Variants in RALYL observed in about 807,000 individuals in gnomAD.
RALYL encodes the protein RNA-binding Raly-like protein.
RALYL carries 29 observed loss-of-function variants against 35.1 expected under a neutral mutation model. That is an observed-to-expected ratio of 0.83 (90% confidence interval 0.61 to 1.13). The LOEUF is 1.13. Ranked by LOEUF, RALYL falls within the 50% of genes most tolerant of loss-of-function variation. RALYL has a pLI of 0.00. For synonymous variants in RALYL, 120 were observed against 127.6 expected (o/e 0.94, Z 0.40); for missense variants, 359 against 360.4 (o/e 1.00, Z 0.03).
chr8:84,212,270 C>T (rs1353360870), intron 1 of RALYL, among the ~76,000 whole-genome samples: 1 of 152,044 alleles, frequency 6.6e-6, no homozygotes, highest in Non-Finnish European at 1.5e-5. Context: ...ATTTATTTTA[C>T]ACTGTATATT....
intron 1 of RALYL, among the ~76,000 whole-genome samples, chr8:84,382,073 G>GT (rs1297606772): frequency 6.6e-6 from 1 of 151,010 alleles, no homozygotes; most frequent in Non-Finnish European, 1.5e-5. Flanking sequence ...AATTTATTTG[G>GT]TTTTCTATTG....
chr8:84,787,792 A>C lies in RALYL; in HGVS notation c.332+13138A>C, dbSNP rs1050752757. On this transcript the variant is annotated intron_variant, in intron 3 of 8. Transcript: ENST00000521268. ...GACCAGTGATGGTGAGCTTTGTTTC[A>C]TATGTCTGTTGGCCACATAAATGTC... Among the ~76,000 whole-genome samples the C allele has an allele frequency of 5.9e-5, 9 of 152,210 alleles. No individual in the cohort carries two copies. In the East Asian group the frequency reaches 1.7e-3, roughly 29 times the overall value.
chr8:84,763,218 T>C (rs1405527251), intron 2 of RALYL, among the ~76,000 whole-genome samples: 1 of 151,872 alleles, frequency 6.6e-6, no homozygotes, highest in African/African-American at 2.4e-5. Context: ...AAGAGAGAAA[T>C]GAGAAAAGTG....
chr8:84,663,643 C>T (rs965972319), intron 2 of RALYL, among the ~76,000 whole-genome samples: 2 of 151,986 alleles, frequency 1.3e-5, no homozygotes, highest in Non-Finnish European at 2.9e-5. Context: ...TGTTCATGTC[C>T]TTTGCCCACT....
intron 8 of RALYL, among the ~76,000 whole-genome samples, chr8:84,915,301 T>G (rs1415949520): frequency 6.6e-6 from 1 of 152,000 alleles, no homozygotes; most frequent in Non-Finnish European, 1.5e-5. Context: ...TCTTTAATGT[T>G]GTTTCTAAAA....
intron 1 of RALYL, among the ~76,000 whole-genome samples, chr8:84,321,082 C>T (rs776197275): frequency 2.6e-5 from 4 of 151,560 alleles, no homozygotes; most frequent in South Asian, 4.1e-4. Flanking sequence ...TTCTTAGTAT[C>T]GTAATAGAAA....
chr8:84,504,136 T>C (rs931277136), intron 1 of RALYL, among the ~76,000 whole-genome samples: 2 of 151,870 alleles, frequency 1.3e-5, no homozygotes, highest in African/African-American at 4.8e-5. Flanking sequence ...TTAAAATTGA[T>C]AGGAAAAATA....
At chr8:84,336,876 T>C (rs1847900573) in intron 1 of RALYL, among the ~76,000 whole-genome samples, 1 of 151,830 alleles carries the variant, frequency 6.6e-6, no homozygotes, top group South Asian at 2.1e-4. Flanking sequence ...TTGCTGCACA[T>C]TTAGTTGAGC....
intron 1 of RALYL, among the ~76,000 whole-genome samples, chr8:84,432,940 C>T (rs949009672): frequency 1.3e-5 from 2 of 152,066 alleles, no homozygotes; most frequent in African/African-American, 4.8e-5. Flanking sequence ...TTTTAAGCCA[C>T]CCAGTTAGTG....
chr8:84,854,346 A>AAAAAAG (rs990179444), intron 5 of RALYL, among the ~76,000 whole-genome samples: 1 of 139,734 alleles, frequency 7.2e-6, no homozygotes, highest in Non-Finnish European at 1.6e-5. Flanking sequence ...CTCCGTCTAA[A>AAAAAAG]AAAAAGAAAA....
intron 1 of RALYL, among the ~76,000 whole-genome samples, chr8:84,241,311 T>C (rs543741217): frequency 1.3e-5 from 2 of 152,290 alleles, no homozygotes; most frequent in African/African-American, 4.8e-5. Context: ...TTATCCTGCT[T>C]GTTTCTATTG....
intron 8 of RALYL, among the ~76,000 whole-genome samples, chr8:84,918,820 T>C (rs1261943121): frequency 6.6e-6 from 1 of 152,090 alleles, no homozygotes; most frequent in East Asian, 1.9e-4. Flanking sequence ...AATGAGTCTT[T>C]TGTTTTATTC....
chr8:84,252,163 A>AC (rs1169935830), intron 1 of RALYL, among the ~76,000 whole-genome samples: 1 of 151,966 alleles, frequency 6.6e-6, no homozygotes, highest in African/African-American at 2.4e-5. Context: ...TTTGTGGTGC[A>AC]CCCTATTTGT....
intron 1 of RALYL, among the ~76,000 whole-genome samples, chr8:84,318,548 T>C (rs1586237817): frequency 6.6e-6 from 1 of 152,252 alleles, no homozygotes; most frequent in African/African-American, 2.4e-5. Flanking sequence ...GTGATGTTTT[T>C]TGTAGCCATT....
At chr8:84,355,433 GAGTTTGTATGT>G (rs977095259) in intron 1 of RALYL, among the ~76,000 whole-genome samples, 1 of 150,526 alleles carries the variant, frequency 6.6e-6, no homozygotes, top group African/African-American at 2.5e-5. Flanking sequence ...AGTGGAAAGT[GAGTTTGTATGT>G]AGTTTGTATG....
At chr8:84,795,563 G>T (rs956576378) in intron 3 of RALYL, among the ~76,000 whole-genome samples, 2 of 152,210 alleles carry the variant, frequency 1.3e-5, no homozygotes, top group African/African-American at 4.8e-5. Flanking sequence ...TGGACTATAT[G>T]TCTGGAAATC....
At chr8:84,777,742 T>C (rs956940337) in intron 3 of RALYL, among the ~76,000 whole-genome samples, 2 of 152,182 alleles carry the variant, frequency 1.3e-5, no homozygotes, top group Non-Finnish European at 2.9e-5. Flanking sequence ...TCCAGGTTCA[T>C]GCCATACCCC....
At position 84,198,474 on chromosome 8, in the gene RALYL, AT is replaced by A. The variant is rs144496982; in HGVS notation, c.-24+14051del. Among the ~76,000 whole-genome samples, 653 of 152,258 alleles carry A rather than the reference AT, an allele frequency of 4.3e-3. 3 individuals carry two copies. Among genetic ancestry groups the A allele is most frequent in the South Asian group, 0.021 (102 of 4,822 alleles). ...ACAATCACATCATGGAAAATGTGAT[AT>A]CCATCCCCTCAAGCATTTACCCTTT... On this transcript the variant is annotated intron_variant, in intron 1 of 8. Transcript: ENST00000521268.
Position 84,887,590 on chromosome 8 carries a change from T to C in RALYL, c.686-14T>C. The C allele has an allele frequency of 6.4e-7, 1 of 1,559,044 alleles. No individual in the cohort carries two copies. The highest frequency in any genetic ancestry group is 8.6e-7 in the Non-Finnish European group (1 of 1,165,816). On this transcript the variant is annotated splice_polypyrimidine_tract_variant and intron_variant, in intron 7 of 8. Coordinates refer to ENST00000521268, the MANE Select transcript of RALYL (RefSeq NM_173848.7). ...AACCCAAGGTAGTAGTCATTTGCTT[T>C]CTCCCCCCCCCAGAAGCTCAGAAGA...
Sources: gnomAD v4.1 joint callset for allele counts (sites outside exome capture counted in the v4.1 genomes callset) on GRCh38, gnomAD v4.1.1 for gene constraint, MANE v1.5 for transcripts, NCBI Gene and HGNC (gene_info 2026-07-23, HGNC 2026-07-21) for gene names.